Variants in IMMP2L observed in about 807,000 individuals in gnomAD.
IMMP2L encodes mitochondrial inner membrane protease subunit 2.
Under a neutral mutation model 19.3 loss-of-function variants are expected in IMMP2L, and 18 were observed. That is an observed-to-expected ratio of 0.93 (90% CI 0.64 to 1.38). The LOEUF is 1.38. IMMP2L is among the 40% of genes most tolerant of loss of function. The pLI is 0.00. For missense variants in IMMP2L, 233 were observed against 218.2 expected, an observed-to-expected ratio of 1.07 and a Z score of -0.43; for synonymous variants, 76 against 73.0, an observed-to-expected ratio of 1.04 and a Z score of -0.21.
At chr7:110,981,511 G>A (rs1196278493) in intron 3 of IMMP2L, among the ~76,000 whole-genome samples, 1 of 150,490 alleles carries the variant, frequency 6.6e-6, no homozygotes, top group Admixed American at 6.6e-5. Flanking sequence ...TTTCTGTGTT[G>A]AGTGGTTAGC....
intron 3 of IMMP2L, among the ~76,000 whole-genome samples, chr7:111,418,005 A>G (rs950711288): frequency 6.6e-6 from 1 of 151,882 alleles, no homozygotes; most frequent in African/African-American, 2.4e-5. Flanking sequence ...AGTCCAATTT[A>G]TCTTTCTAAA....
intron 3 of IMMP2L, among the ~76,000 whole-genome samples, chr7:111,055,052 T>C (rs1793372883): frequency 7.4e-6 from 1 of 135,452 alleles, no homozygotes; most frequent in Non-Finnish European, 1.6e-5. Flanking sequence ...TTCTTCCTTC[T>C]TTTTTTTTTT....
intron 3 of IMMP2L, among the ~76,000 whole-genome samples, chr7:111,182,567 A>C (rs943329134): frequency 6.6e-6 from 1 of 151,982 alleles, no homozygotes; most frequent in African/African-American, 2.4e-5. Context: ...AATAAGATTG[A>C]AAAATGAGAA....
intron 3 of IMMP2L, among the ~76,000 whole-genome samples, chr7:111,431,576 T>C (rs1422889396): frequency 6.6e-6 from 1 of 151,776 alleles, no homozygotes; most frequent in African/African-American, 2.4e-5. Context: ...AGTCTAATAT[T>C]TGGGTGGATA....
At chr7:111,020,059 C>A (rs151035923) in intron 3 of IMMP2L, among the ~76,000 whole-genome samples, 3 of 149,928 alleles carry the variant, frequency 2.0e-5, no homozygotes, top group African/African-American at 7.4e-5. Flanking sequence ...TGCTAGGTAT[C>A]TTTCTAGACA....
intron 3 of IMMP2L, among the ~76,000 whole-genome samples, chr7:110,994,257 A>C (rs2129560100): frequency 6.6e-6 from 1 of 152,130 alleles, no homozygotes; most frequent in Non-Finnish European, 1.5e-5. Flanking sequence ...ACAAGCCATA[A>C]GAACTTGGCC....
rs1181083987 is a variant in IMMP2L, at chr7:110,846,363, T to TG, written c.408+40229_408+40230insC. On this transcript the variant is annotated intron_variant, in intron 5 of 5. Coordinates refer to ENST00000405709, the MANE Select transcript of IMMP2L (RefSeq NM_032549.4). ...ACCCTGATTTCTTTTTTTTTTTTTT[T>TG]TTTTTGTTGTTGTTGTTGTTGAGAC... Among the ~76,000 whole-genome samples the TG allele has an allele frequency of 1.2e-3, 160 of 132,748 alleles. 1 individual carries two copies. Among genetic ancestry groups the TG allele is most frequent in the East Asian group, 8.8e-3 (35 of 3,956 alleles). The allele number at this position is 132,748 out of a possible 152,430, so 87.1% of individuals were successfully genotyped here. A position where few individuals can be genotyped will look rare whatever the true frequency, so the allele number is the denominator to read the frequency against.
rs748743426 is a variant in IMMP2L at position 111,315,271 on chromosome 7, T to A, written c.239+171967A>T. On this transcript the variant is annotated intron_variant, in intron 3 of 5. Transcript: ENST00000405709. ...GCAGTCCTGCAGAGAGAAGTCCAAA[T>A]AACACAGGAAACTAGCCCTGACAGG... Among the ~76,000 whole-genome samples the A allele has an allele frequency of 4.6e-5, 7 of 152,164 alleles. No individual in the cohort carries two copies. The South Asian group carries it at 1.2e-3, about 27-fold the overall frequency.
chr7:111,535,021 G>A (rs1294230074), intron 1 of IMMP2L, among the ~76,000 whole-genome samples: 1 of 152,106 alleles, frequency 6.6e-6, no homozygotes, highest in African/African-American at 2.4e-5. Flanking sequence ...GTGATGCTGG[G>A]TGCAAATGCA....
intron 3 of IMMP2L, among the ~76,000 whole-genome samples, chr7:111,467,052 T>C (rs1189168690): frequency 1.3e-5 from 2 of 152,068 alleles, no homozygotes; most frequent in Admixed American, 6.5e-5. Flanking sequence ...GCAGGAAAGT[T>C]CATAAGTAAA....
chr7:111,475,381 T>C (rs1841628404), intron 3 of IMMP2L, among the ~76,000 whole-genome samples: 1 of 152,034 alleles, frequency 6.6e-6, no homozygotes, highest in Non-Finnish European at 1.5e-5. Context: ...TTTCCCAGCC[T>C]TGCCACCTCT....
intron 3 of IMMP2L, among the ~76,000 whole-genome samples, chr7:111,214,316 A>G (rs1020920910): frequency 2.0e-5 from 3 of 149,330 alleles, no homozygotes; most frequent in African/African-American, 7.4e-5. Context: ...AATGAATGAC[A>G]AAGTAATTTT....
At chr7:111,467,701 G>C (rs1840812581) in intron 3 of IMMP2L, among the ~76,000 whole-genome samples, 1 of 152,084 alleles carries the variant, frequency 6.6e-6, no homozygotes, top group Admixed American at 6.5e-5. Flanking sequence ...TATTCTAGTT[G>C]ACAATATATT....
At chr7:110,813,139 A>G (rs1802165615) in intron 5 of IMMP2L, among the ~76,000 whole-genome samples, 1 of 152,106 alleles carries the variant, frequency 6.6e-6, no homozygotes. Flanking sequence ...TCATAAAATC[A>G]AAGGATATAG....
intron 3 of IMMP2L, among the ~76,000 whole-genome samples, chr7:111,095,180 T>G (rs1030998480): frequency 3.9e-5 from 6 of 151,986 alleles, no homozygotes; most frequent in African/African-American, 1.4e-4. Flanking sequence ...GAATAAAATT[T>G]TTGAACTGAA....
chr7:111,413,858 G>C lies in IMMP2L; in HGVS notation c.239+73380C>G, dbSNP rs77219487. ...GCTGGAGAGAACAATGCAAGATGAA[G>C]GAGCTTCTCTTTCTGCTTCCGATAT... On this transcript the variant is annotated intron_variant, in intron 3 of 5. Coordinates refer to ENST00000405709, the MANE Select transcript of IMMP2L (RefSeq NM_032549.4). Among the ~76,000 whole-genome samples, 858 of 151,716 alleles carry C rather than the reference G, an allele frequency of 5.7e-3. 28 individuals carry two copies. The highest frequency in any genetic ancestry group is 0.019 in the African/African-American group (792 of 41,144).
chr7:111,376,929 TG>T (rs1396136037), intron 3 of IMMP2L, among the ~76,000 whole-genome samples: 1 of 151,928 alleles, frequency 6.6e-6, no homozygotes, highest in African/African-American at 2.4e-5. Flanking sequence ...CTAAGGGATG[TG>T]GGGTTTTCTT....
intron 5 of IMMP2L, among the ~76,000 whole-genome samples, chr7:110,833,028 A>G (rs747564071): frequency 6.6e-6 from 1 of 152,182 alleles, no homozygotes; most frequent in African/African-American, 2.4e-5. Context: ...CTCATACATA[A>G]GATGTAATTA....
intron 5 of IMMP2L, among the ~76,000 whole-genome samples, chr7:110,676,538 A>T (rs371965070): frequency 5.9e-5 from 9 of 152,216 alleles, no homozygotes; most frequent in Admixed American, 5.9e-4. Flanking sequence ...ACTACCTGTC[A>T]GCAATAAGCA....
Sources: allele counts gnomAD v4.1 joint callset (sites outside exome capture counted in the v4.1 genomes callset), GRCh38; gene constraint gnomAD v4.1.1; transcripts MANE v1.5; gene names NCBI Gene and HGNC (gene_info 2026-07-23, HGNC 2026-07-21).